Variants in DBH observed in about 807,000 individuals in gnomAD.
The protein encoded by DBH is dopamine beta-hydroxylase (dopamine beta-monooxygenase).
Under a neutral mutation model 64.0 loss-of-function variants are expected in DBH, and 49 were observed. That is an observed-to-expected ratio of 0.77 (90% CI 0.61 to 0.97). The LOEUF (loss-of-function observed/expected upper bound fraction) is 0.97. Ranked by LOEUF, DBH falls within the 50% of genes least tolerant of loss-of-function variation. The pLI is 0.00. For synonymous variants in DBH, 343 were observed against 347.1 expected, an observed-to-expected ratio of 0.99 and a Z score of 0.13; for missense variants, 828 against 826.6, an observed-to-expected ratio of 1.00 and a Z score of -0.02.
chr9:133,657,444 A>AGAGAGGAGAGAGAG lies in DBH; in HGVS notation c.1722+220_1722+221insGAGAGAGAGGAGAG, dbSNP rs1588355495. The AGAGAGGAGAGAGAG allele has an allele frequency of 2.6e-5, 10 of 386,910 alleles. No individual in the cohort carries two copies. In the East Asian group the frequency reaches 4.2e-4, roughly 16 times the overall value. The allele number at this position is 386,910 out of a possible 1,614,324, so 24.0% of individuals were successfully genotyped here. ...AGAGAGGAGAGAGAGGAGAGAGAGG[A>AGAGAGGAGAGAGAG]GAGAGAGGAGAGAGGGAGAGGGAGA... On this transcript the variant is annotated intron_variant, in intron 11 of 11. Coordinates refer to ENST00000393056, the MANE Select transcript of DBH (RefSeq NM_000787.4).
chr9:133,647,684 ACAGC>A (rs1307792413), intron 5 of DBH, among the ~76,000 whole-genome samples, 158 bp from the exon 6 acceptor site: 1 of 152,144 alleles, frequency 6.6e-6, no homozygotes, highest in Non-Finnish European at 1.5e-5. Flanking sequence ...GGAAACAAAG[ACAGC>A]CAGCTCTTGG....
chr9:133,642,240 G>A lies in DBH; in HGVS notation c.520G>A (p.Glu174Lys), dbSNP rs1415046004. Residue 174 changes from glutamate (E) to lysine (K), a missense_variant, in exon 3 of 12, where the codon GAG becomes AAG. Transcript: ENST00000393056. Reference sequence around the variant, plus strand: ...TGTCCACTTGGTCTACGGGATCCTGGAGGAGCCGTTCCGGTCACTGGAGGC... The same window carrying A: ...TGTCCACTTGGTCTACGGGATCCTGAAGGAGCCGTTCCGGTCACTGGAGGC... The part of the protein sequence containing the change: ...GTVHLVYGIL[E>K]EPFRSLEAIN... The A allele has an allele frequency of 3.7e-6, 6 of 1,613,722 alleles. No homozygotes were observed. Among genetic ancestry groups the A allele is most frequent in the Admixed American group, 1.7e-5 (1 of 60,000 alleles).
chr9:133,636,862 C>A (rs898822064), intron 1 of DBH, 152 bp downstream of exon 1: 4 of 780,608 alleles, frequency 5.1e-6, no homozygotes, highest in Admixed American at 2.0e-5. Context: ...GTCTGCACCC[C>A]GAGCTTGGGC....
At chr9:133,653,125 G>A (rs572138763) in intron 9 of DBH, 126 bp downstream of exon 9, 204 of 773,480 alleles carry the variant, frequency 2.6e-4, no homozygotes, top group African/African-American at 2.4e-3. Flanking sequence ...TAAGCCAGTC[G>A]TTCTCAGCTC....
chr9:133,650,540 T>C lies in DBH; in HGVS notation c.1192-1094T>C, dbSNP rs185217107. ...TCCTTCCTTCCTTCTCTTTTCTTTC[T>C]TCCTTCCTTTCTTTTTTTTTTTTTT... On this transcript the variant is annotated intron_variant, in intron 6 of 11. Transcript: ENST00000393056. 4.9e-3 allele frequency among the ~76,000 whole-genome samples: 645 copies of C among 132,672 alleles called. 3 individuals carry two copies. The highest frequency in any genetic ancestry group is 0.017 in the African/African-American group (594 of 35,148). The allele number at this position is 132,672 out of a possible 152,430, so 87.0% of individuals were successfully genotyped here.
At chr9:133,652,131 A>G (rs1832256649) in intron 7 of DBH, 115 bp from the exon 8 acceptor site, 3 of 1,247,022 alleles carry the variant, frequency 2.4e-6, no homozygotes, top group Non-Finnish European at 3.5e-6. Flanking sequence ...AGGCTGGGGC[A>G]AAATGGACAC....
chr9:133,639,813 T>A, intron 1 of DBH, 33 bp from the exon 2 acceptor site: 2 of 1,599,982 alleles, frequency 1.3e-6, no homozygotes, highest in Non-Finnish European at 8.5e-7. Context: ...GCTTGGCTCC[T>A]TCATGCCTGG....
intron 5 of DBH, among the ~76,000 whole-genome samples, chr9:133,645,244 T>G (rs1009595598): frequency 2.7e-5 from 2 of 75,142 alleles, no homozygotes; most frequent in Middle Eastern, 6.5e-3. Context: ...GCCTGTGGTT[T>G]TTTTTTTTTT....
chr9:133,647,989 T>C lies in DBH; in HGVS notation c.1168T>C (p.Cys390Arg), dbSNP rs1193863138. 6.2e-7 allele frequency: 1 copy of C among 1,613,340 alleles called. No homozygotes were observed. Among genetic ancestry groups the C allele is most frequent in the African/African-American group, 1.3e-5 (1 of 75,064 alleles). Residue 390 changes from cysteine (C) to arginine (R), a missense_variant, in exon 6 of 12, where the codon TGC becomes CGC. By Grantham distance (180) the Cys-to-Arg change is radical. Coordinates refer to ENST00000393056, the MANE Select transcript of DBH (RefSeq NM_000787.4). The part of the protein sequence containing the change: ...RETAFILTGY[C>R]TDKCTQLALP... ...GACCGCCTTCATCCTCACTGGCTAC[T>C]GCACGGACAAGTGCACCCAGCTGGT...
intron 9 of DBH, 84 bp from the exon 10 acceptor site, chr9:133,656,439 G>C: frequency 6.3e-7 from 1 of 1,588,732 alleles, no homozygotes; most frequent in Non-Finnish European, 8.6e-7. Context: ...TGGACGCAGT[G>C]TACACGTGGG....
rs145059403 is a variant in DBH at position 133,642,303 on chromosome 9, G to A, written c.583G>A (p.Val195Met). ...GGGCCTGCAGATGGGGCTGCAGAGG[G>A]TGCAGCTCCTGAAGCCCAATATCCC... The part of the protein sequence containing the change: ...GSGLQMGLQR[V>M]QLLKPNIPEP... The change falls in exon 3 of 12, where the codon GTG (valine) becomes ATG (methionine). Residue 195 changes from valine (V) to methionine (M), a missense_variant. By Grantham distance (21) the Val-to-Met change is conservative. Transcript: ENST00000393056. The A allele has an allele frequency of 7.2e-4, 1,163 of 1,614,120 alleles. 1 individual carries two copies. The highest frequency in any genetic ancestry group is 9.2e-4 in the Non-Finnish European group (1,081 of 1,180,012).
chr9:133,639,213 C>T (rs962410720), intron 1 of DBH, among the ~76,000 whole-genome samples: 4 of 133,510 alleles, frequency 3.0e-5, no homozygotes, highest in South Asian at 2.4e-4. Flanking sequence ...GGCAACATAG[C>T]GAGACCCTAT....
rs74853476 is a variant in DBH, at chr9:133,636,712, T to C, written c.339+2T>C. ...GATGGGGACACTGCCTATTTTGCGG[T>C]GAGTCTCTCCTCCCTGCCAGCTCTC... On this transcript the variant is annotated splice_donor_variant, in intron 1 of 11. Coordinates refer to ENST00000393056, the MANE Select transcript of DBH (RefSeq NM_000787.4). LOFTEE classifies it high-confidence loss of function. The C allele has an allele frequency of 1.5e-3, 2,414 of 1,600,532 alleles. No homozygotes were observed. The highest frequency in any genetic ancestry group is 1.9e-3 in the Non-Finnish European group (2,240 of 1,179,610).
intron 1 of DBH, among the ~76,000 whole-genome samples, chr9:133,638,180 C>G (rs1469842359): frequency 6.6e-6 from 1 of 152,234 alleles, no homozygotes; most frequent in East Asian, 1.9e-4. Flanking sequence ...AAGCAAATGT[C>G]AGCCTTATTA....
intron 8 of DBH, 46 bp from the exon 9 acceptor site, chr9:133,652,894 C>G: frequency 6.6e-7 from 1 of 1,504,366 alleles, no homozygotes; most frequent in South Asian, 1.1e-5. Context: ...CAGCACCTGC[C>G]AACGCCAGGT....
At position 133,639,854 on chromosome 9, in the gene DBH, G is replaced by C; in HGVS notation, c.348G>C (p.Trp116Cys). 6.2e-7 allele frequency: 1 copy of C among 1,611,054 alleles called. No homozygotes were observed. The highest frequency in any genetic ancestry group is 2.2e-5 in the East Asian group (1 of 44,858). ...DGDTAYFADA[W>C]SDQKGQIHLD... ...AGTGCTTGTCTCTGCAGGACGCCTG[G>C]AGTGACCAGAAGGGGCAGATCCACC... is the stretch of plus-strand genomic sequence containing the variant. Residue 116 changes from tryptophan (W) to cysteine (C), a missense_variant, in exon 2 of 12, where the codon TGG (tryptophan) becomes TGC (cysteine). By Grantham distance (215) the Trp-to-Cys change is radical (BLOSUM62 -2). Coordinates refer to ENST00000393056, the MANE Select transcript of DBH (RefSeq NM_000787.4).
intron 1 of DBH, among the ~76,000 whole-genome samples, chr9:133,639,573 G>C: frequency 6.6e-6 from 1 of 152,230 alleles, no homozygotes; most frequent in Middle Eastern, 3.2e-3. Context: ...CCTGTGACCT[G>C]CTGGCAAGTG....
rs769305729 is a variant in DBH at position 133,647,998 on chromosome 9, A to G, written c.1177A>G (p.Lys393Glu). Reference protein sequence around the residue: ...AFILTGYCTDKCTQLALPPSG... With the variant: ...AFILTGYCTDECTQLALPPSG... ...CATCCTCACTGGCTACTGCACGGAC[A>G]AGTGCACCCAGCTGGTGAGTGGGGC... Residue 393 changes from lysine (K) to glutamate (E), a missense_variant, in exon 6 of 12, where the codon AAG becomes GAG. Coordinates refer to ENST00000393056, the MANE Select transcript of DBH (RefSeq NM_000787.4). 8.2e-5 allele frequency: 132 copies of G among 1,612,708 alleles called. No homozygotes were observed. The highest frequency in any genetic ancestry group is 1.1e-4 in the Non-Finnish European group (127 of 1,179,766).
At chr9:133,639,515 G>T (rs548658362) in intron 1 of DBH, among the ~76,000 whole-genome samples, 6 of 152,314 alleles carry the variant, frequency 3.9e-5, no homozygotes, top group African/African-American at 1.4e-4. Context: ...TTCTTAAGAA[G>T]CTCAGTGTCC....
Sources: allele counts gnomAD v4.1 joint callset (sites outside exome capture counted in the v4.1 genomes callset), GRCh38; gene constraint gnomAD v4.1.1; transcripts MANE v1.5; gene names NCBI Gene and HGNC (gene_info 2026-07-23, HGNC 2026-07-21).